DDX6: variants seen among roughly 807,000 people sequenced by gnomAD.
DDX6 encodes the protein probable ATP-dependent RNA helicase DDX6.
In DDX6, 7 loss-of-function variants were observed where a neutral mutation model predicts 60.6. The observed-to-expected ratio is 0.12, with a 90% CI of 0.07 to 0.22. The LOEUF is 0.22. Among genes scored for constraint, DDX6 ranks in the 10% least tolerant of loss-of-function variants. The pLI, the probability that DDX6 is intolerant of heterozygous loss-of-function variation, is 1.00. For missense variants in DDX6, 270 were observed against 589.9 expected, an observed-to-expected ratio of 0.46 and a Z score of 5.62; for synonymous variants, 207 against 201.0, an observed-to-expected ratio of 1.03 and a Z score of -0.25.
chr11:118,781,022 T>TA (rs1484143342), intron 3 of DDX6, 99 bp downstream of exon 3: 5 of 751,598 alleles, frequency 6.7e-6, no homozygotes, highest in Non-Finnish European at 9.3e-6. Context: ...GCAGTGGTGT[T>TA]ATGGTCCTGA....
chr11:118,784,003 A>G (rs1342465949), intron 2 of DDX6, among the ~76,000 whole-genome samples: 1 of 148,560 alleles, frequency 6.7e-6, no homozygotes, highest in Non-Finnish European at 1.5e-5. Flanking sequence ...CAGGAGGATC[A>G]CTTGAGCCTG....
chr11:118,776,061 G>A (rs1380003259), intron 4 of DDX6, among the ~76,000 whole-genome samples: 2 of 152,108 alleles, frequency 1.3e-5, no homozygotes, highest in Non-Finnish European at 2.9e-5. Context: ...GGAGTATCAC[G>A]TGAGCCCAGG....
At chr11:118,775,521 TAGGAAAGAA>T (rs1192087404) in intron 4 of DDX6, among the ~76,000 whole-genome samples, 1 of 151,184 alleles carries the variant, frequency 6.6e-6, no homozygotes, top group African/African-American at 2.4e-5. Context: ...GACAAAACAA[TAGGAAAGAA>T]AAAGGCAATA....
In DDX6 at chr11:118,751,967, A is replaced by G; in HGVS notation, c.*138T>C. ...CCTTTTTCTCTTCACCAGTTAAAAA[A>G]AGAAAATGTCTGAGCTCTTTTAAGT... is the stretch of plus-strand genomic sequence containing the variant. On this transcript the variant is annotated 3_prime_UTR_variant, in exon 14 of 14. Transcript: ENST00000534980. 2.5e-6 allele frequency: 1 copy of G among 397,324 alleles called. No individual in the cohort carries two copies. The highest frequency in any genetic ancestry group is 4.9e-6 in the Non-Finnish European group (1 of 204,526). 24.6% of individuals were successfully genotyped at this position (397,324 alleles called of 1,614,324 possible).
chr11:118,789,108 C>T (rs1197584669), intron 1 of DDX6: 1 of 140,792 alleles, frequency 7.1e-6, no homozygotes, highest in Non-Finnish European at 1.5e-5. Context: ...CGGAGTCTCG[C>T]TCTGCCGCCC....
At chr11:118,761,486 C>G (rs557869989) in intron 7 of DDX6, among the ~76,000 whole-genome samples, 1 of 117,938 alleles carries the variant, frequency 8.5e-6, no homozygotes, top group South Asian at 3.1e-4. Flanking sequence ...CATGGTGGCA[C>G]ATGCCTGTAA....
intron 10 of DDX6, among the ~76,000 whole-genome samples, 166 bp downstream of exon 10, chr11:118,757,005 C>G (rs1452427732): frequency 7.2e-5 from 11 of 152,098 alleles, no homozygotes; most frequent in Non-Finnish European, 1.6e-4. Context: ...ACTATTATCC[C>G]TATTTTATTG....
At chr11:118,756,725 G>A (rs1166542028) in intron 10 of DDX6, among the ~76,000 whole-genome samples, 2 of 152,210 alleles carry the variant, frequency 1.3e-5, no homozygotes, top group African/African-American at 4.8e-5. Flanking sequence ...ATTTGTGTCT[G>A]TACTTCCAAT....
chr11:118,777,093 G>C (rs967263612), intron 4 of DDX6, among the ~76,000 whole-genome samples: 19 of 151,860 alleles, frequency 1.3e-4, no homozygotes, highest in African/African-American at 4.1e-4. Flanking sequence ...ACATACATAC[G>C]CAATTCCAAC....
At chr11:118,784,747 G>A (rs1000894228) in intron 2 of DDX6, among the ~76,000 whole-genome samples, 3 of 150,238 alleles carry the variant, frequency 2.0e-5, no homozygotes, top group African/African-American at 7.3e-5. Context: ...GTGAGCTACC[G>A]CACCTGGCCT....
At chr11:118,764,821 T>TCACACACAC (rs1861296020) in intron 6 of DDX6, among the ~76,000 whole-genome samples, 3 of 139,000 alleles carry the variant, frequency 2.2e-5, no homozygotes, top group African/African-American at 8.7e-5. Context: ...AAAAAAAATA[T>TCACACACAC]ACACACACAC....
chr11:118,775,913 T>C (rs1416879840), intron 4 of DDX6, among the ~76,000 whole-genome samples: 3 of 152,190 alleles, frequency 2.0e-5, no homozygotes, highest in African/African-American at 7.2e-5. Flanking sequence ...GGAGGACTGC[T>C]TGAGCCCAGG....
intron 2 of DDX6, among the ~76,000 whole-genome samples, chr11:118,783,690 T>G (rs1861977112): frequency 6.6e-6 from 1 of 150,490 alleles, no homozygotes; most frequent in Non-Finnish European, 1.5e-5. Flanking sequence ...TAATCCCAGC[T>G]ACTTGGGAGG....
intron 4 of DDX6, among the ~76,000 whole-genome samples, chr11:118,777,795 A>C (rs782214633): frequency 6.6e-6 from 1 of 151,770 alleles, no homozygotes; most frequent in Non-Finnish European, 1.5e-5. Context: ...AGGCTGAGAC[A>C]CAAGAACTGC....
Position 118,768,486 on chromosome 11 carries a change from T to G in DDX6, c.370-134A>C, listed in dbSNP as rs1161567216. On this transcript the variant is annotated intron_variant, in intron 4 of 13. Transcript: ENST00000534980. ...AAGTATCCTACATTTGAATTCTACA[T>G]GAATAGCAGAGATCCAAGTAAATCA... 6 of 862,840 alleles carry G rather than the reference T, an allele frequency of 7.0e-6. 1 individual carries two copies. The highest frequency in any genetic ancestry group is 3.5e-5 in the South Asian group (2 of 57,160). 53.4% of individuals were successfully genotyped at this position (862,840 alleles called of 1,614,324 possible).
chr11:118,759,778 TTTAA>T (rs1171597273), intron 8 of DDX6, 140 bp downstream of exon 8: 34 of 886,936 alleles, frequency 3.8e-5, no homozygotes, highest in Non-Finnish European at 5.1e-5. Flanking sequence ...AAAACAAATC[TTTAA>T]TTGATCAACT....
intron 2 of DDX6, among the ~76,000 whole-genome samples, chr11:118,785,625 C>CT (rs758527016): frequency 3.3e-5 from 5 of 151,814 alleles, no homozygotes; most frequent in Non-Finnish European, 5.9e-5. Context: ...TTTAAAGACT[C>CT]TAAAGACTCA....
chr11:118,761,334 A>G (rs899921618), intron 7 of DDX6, among the ~76,000 whole-genome samples: 12 of 152,144 alleles, frequency 7.9e-5, no homozygotes, highest in Non-Finnish European at 1.3e-4. Context: ...AACTTGGCTA[A>G]GGCCAGGTGT....
intron 2 of DDX6, among the ~76,000 whole-genome samples, chr11:118,782,325 A>G (rs1195770390): frequency 2.6e-5 from 4 of 152,194 alleles, no homozygotes; most frequent in Middle Eastern, 3.2e-3. Context: ...AGAAATCATG[A>G]AAGAGAATAA....
Sources: allele counts gnomAD v4.1 joint callset (sites outside exome capture counted in the v4.1 genomes callset), GRCh38; gene constraint gnomAD v4.1.1; transcripts MANE v1.5; gene names NCBI Gene and HGNC (gene_info 2026-07-23, HGNC 2026-07-21).